Variants in EVX2 observed in about 807,000 individuals in gnomAD.
EVX2 encodes the protein even-skipped homeobox 2, also known as homeobox even-skipped homolog protein 2.
EVX2 carries 10 observed loss-of-function variants against 19.2 expected under a neutral mutation model. That is an observed-to-expected ratio of 0.52 (90% CI 0.32 to 0.89). The LOEUF (loss-of-function observed/expected upper bound fraction) is 0.89. EVX2 is among the 40% of genes least tolerant of loss of function. The pLI is 0.03. For missense variants in EVX2, 710 were observed against 694.9 expected (o/e 1.02, Z -0.24); for synonymous variants, 354 against 328.4 (o/e 1.08, Z -0.84).
At position 176,082,205 on chromosome 2, in the gene EVX2, T is replaced by A. The variant is rs573534388; in HGVS notation, c.672A>T (p.Ala224=). Reference sequence around the variant, plus strand: ...TGATGGTGGTTTCGGGCAGGTTGAGTGCCGCGGCCAGCTCGCACCGGCGGG... The same window carrying A: ...TGATGGTGGTTTCGGGCAGGTTGAGAGCCGCGGCCAGCTCGCACCGGCGGG... ...SRPRRCELAA[A]LNLPETTIKV... The change falls in exon 2 of 3, where the codon GCA becomes GCT. Residue 224 remains alanine, a synonymous_variant. Coordinates refer to ENST00000308618, the MANE Select transcript of EVX2 (RefSeq NM_001080458.2). The surrounding 1 kb of genome is among the most constrained non-coding windows in gnomAD (Gnocchi z 5.2). 6.3e-7 allele frequency: 1 copy of A among 1,598,888 alleles called. No individual in the cohort carries two copies. Among genetic ancestry groups the A allele is most frequent in the South Asian group, 1.1e-5 (1 of 89,960 alleles).
chr2:176,083,288 C>CG lies in EVX2; in HGVS notation c.427+61dup. 6.7e-7 allele frequency: 1 copy of CG among 1,490,742 alleles called. No homozygotes were observed. The highest frequency in any genetic ancestry group is 9.0e-7 in the Non-Finnish European group (1 of 1,107,114). The allele number at this position is 1,490,742 out of a possible 1,614,324, so 92.3% of individuals were successfully genotyped here. A position where few individuals can be genotyped will look rare whatever the true frequency, so the allele number is the denominator to read the frequency against. ...GGGAAAAGGCACCGGGAAAGGCTGG[C>CG]GGGGGCCGCGGAGGAGCAAAGAGGA... is the stretch of plus-strand genomic sequence containing the variant. On this transcript the variant is annotated intron_variant, in intron 1 of 2. Transcript: ENST00000308618. This position sits in a 1 kb window ranked among gnomAD's most constrained non-coding sequence, Gnocchi z 4.4.
At position 176,083,195 on chromosome 2, in the gene EVX2, G is replaced by A. The variant is rs914994154; in HGVS notation, c.427+155C>T. ...TCAAGGAGCAGAACTGGAAGGCACGGTCCCAGACATGCGTCCCGCCCCCGC... is the reference window on the plus strand; with the variant it reads ...TCAAGGAGCAGAACTGGAAGGCACGATCCCAGACATGCGTCCCGCCCCCGC... On this transcript the variant is annotated intron_variant, in intron 1 of 2. Coordinates refer to ENST00000308618, the MANE Select transcript of EVX2 (RefSeq NM_001080458.2). This position sits in a 1 kb window ranked among gnomAD's most constrained non-coding sequence, Gnocchi z 4.4. Among the ~76,000 whole-genome samples the A allele has an allele frequency of 1.3e-5, 2 of 152,358 alleles. No homozygotes were observed. Among genetic ancestry groups the A allele is most frequent in the African/African-American group, 4.8e-5 (2 of 41,602 alleles).
rs190025990 is a variant in EVX2, at chr2:176,078,472, G to A, written c.*1635C>T. The A allele has an allele frequency of 6.6e-6, 1 of 152,258 alleles. No homozygotes were observed. The highest frequency in any genetic ancestry group is 1.9e-4 in the East Asian group (1 of 5,184). 9.4% of individuals were successfully genotyped at this position (152,258 alleles called of 1,614,324 possible). A position where few individuals can be genotyped will look rare whatever the true frequency, so the allele number is the denominator to read the frequency against. ...GAGGAGCCAAGTGGCTCTGCGGGGA[G>A]CATTATGGAAATATCTGGGCTTGAT... On this transcript the variant is annotated 3_prime_UTR_variant, in exon 3 of 3. Coordinates refer to ENST00000308618, the MANE Select transcript of EVX2 (RefSeq NM_001080458.2).
chr2:176,080,857 C>G lies in EVX2; in HGVS notation c.700-19G>C, dbSNP rs1283877458. The G allele has an allele frequency of 6.2e-7, 1 of 1,601,154 alleles. No homozygotes were observed. Among genetic ancestry groups the G allele is most frequent in the South Asian group, 1.1e-5 (1 of 89,184 alleles). On this transcript the variant is annotated intron_variant, in intron 2 of 2. Coordinates refer to ENST00000308618, the MANE Select transcript of EVX2 (RefSeq NM_001080458.2). The surrounding 1 kb of genome is among the most constrained non-coding windows in gnomAD (Gnocchi z 7.0). ...ACCACACCTGCGGGGAGAGACGCGC[C>G]GCAGCCTGGGTTAGGGAGCGCCCCG...
rs1028398212 is a variant in EVX2 at position 176,078,249 on chromosome 2, T to A, written c.*1858A>T. On this transcript the variant is annotated 3_prime_UTR_variant, in exon 3 of 3. Transcript: ENST00000308618. ...GTATGTATACATGAATATGTGTGTA[T>A]CTCTTACATATGTATTTAAGAGCAC... The A allele has an allele frequency of 1.6e-5, 2 of 122,442 alleles. No individual in the cohort carries two copies. The highest frequency in any genetic ancestry group is 9.4e-5 in the African/African-American group (2 of 21,278). The allele number at this position is 122,442 out of a possible 1,614,324, so 7.6% of individuals were successfully genotyped here.
chr2:176,078,962 T>C lies in EVX2; in HGVS notation c.*1145A>G, dbSNP rs889989994. On this transcript the variant is annotated 3_prime_UTR_variant, in exon 3 of 3. Transcript: ENST00000308618. Reference sequence around the variant, plus strand: ...AGAGCGGGTCTCAGCAACCCAGCGGTGGCTTTGCAGAGGCGAAGGCGCAAT... The same window carrying C: ...AGAGCGGGTCTCAGCAACCCAGCGGCGGCTTTGCAGAGGCGAAGGCGCAAT... 6.6e-6 allele frequency: 1 copy of C among 152,212 alleles called. No individual in the cohort carries two copies. Among genetic ancestry groups the C allele is most frequent in the Non-Finnish European group, 1.5e-5 (1 of 68,054 alleles). The allele number at this position is 152,212 out of a possible 1,614,324, so 9.4% of individuals were successfully genotyped here. A position where few individuals can be genotyped will look rare whatever the true frequency, so the allele number is the denominator to read the frequency against.
chr2:176,080,589 G>A lies in EVX2; in HGVS notation c.949C>T (p.Arg317Trp). 3 of 1,533,342 alleles carry A rather than the reference G, an allele frequency of 2.0e-6. No individual in the cohort carries two copies. Among genetic ancestry groups the A allele is most frequent in the Non-Finnish European group, 2.6e-6 (3 of 1,154,836 alleles). 95.0% of individuals were successfully genotyped at this position (1,533,342 alleles called of 1,614,324 possible). A position where few individuals can be genotyped will look rare whatever the true frequency, so the allele number is the denominator to read the frequency against. ...AGGGCGCGGAAGGTGTCCAGTGGCC[G>A]GATGGAAGTAGCGAAGGGCGACGAA... ...AASSPFATSI[R>W]PLDTFRALSH... The change falls in exon 3 of 3, where the codon CGG (arginine) becomes TGG (tryptophan). Residue 317 changes from arginine to tryptophan, a missense_variant. Physicochemically the swap from Arg to Trp is moderately radical, Grantham distance 101. Transcript: ENST00000308618. This position sits in a 1 kb window ranked among gnomAD's most constrained non-coding sequence, Gnocchi z 7.0.
rs1559103658 is a variant in EVX2, at chr2:176,083,217, C to T, written c.427+133G>A. ...ACGGTCCCAGACATGCGTCCCGCCC[C>T]CGCCCGTGCTAGCTCGGTGTAGCTT... On this transcript the variant is annotated intron_variant, in intron 1 of 2. Coordinates refer to ENST00000308618, the MANE Select transcript of EVX2 (RefSeq NM_001080458.2). This position sits in a 1 kb window ranked among gnomAD's most constrained non-coding sequence, Gnocchi z 4.4. 9 of 948,564 alleles carry T rather than the reference C, an allele frequency of 9.5e-6. No individual in the cohort carries two copies. The East Asian group carries it at 1.1e-4, about 11-fold the overall frequency. 58.8% of individuals were successfully genotyped at this position (948,564 alleles called of 1,614,324 possible).
Position 176,083,486 on chromosome 2 carries a change from C to G in EVX2, c.291G>C (p.Glu97Asp), listed in dbSNP as rs575398101. 44 of 1,614,082 alleles carry G rather than the reference C, an allele frequency of 2.7e-5. No homozygotes were observed. The highest frequency in any genetic ancestry group is 3.3e-5 in the Non-Finnish European group (39 of 1,180,054). ...TVSSEISSAA[E>D]SRKKPGHYSE... ...AATAATGGCCCGGCTTCTTGCGGCT[C>G]TCGGCGGCGGAGGAGATTTCGGAGG... Residue 97 changes from glutamate (E) to aspartate (D), a missense_variant, in exon 1 of 3, where the codon GAG (glutamate) becomes GAC (aspartate). Physicochemically the swap from Glu to Asp is conservative, Grantham distance 45 (BLOSUM62 2). Coordinates refer to ENST00000308618, the MANE Select transcript of EVX2 (RefSeq NM_001080458.2). This position sits in a 1 kb window ranked among gnomAD's most constrained non-coding sequence, Gnocchi z 4.4.
At position 176,082,022 on chromosome 2, in the gene EVX2, G is replaced by A. The variant is rs965060876; in HGVS notation, c.699+156C>T. Among the ~76,000 whole-genome samples the A allele has an allele frequency of 1.3e-5, 2 of 152,240 alleles. No homozygotes were observed. Among genetic ancestry groups the A allele is most frequent in the African/African-American group, 4.8e-5 (2 of 41,454 alleles). On this transcript the variant is annotated intron_variant, in intron 2 of 2. Transcript: ENST00000308618. The surrounding 1 kb of genome is among the most constrained non-coding windows in gnomAD (Gnocchi z 5.2). ...GGACAACCGTTCGGATTCGGTGGCC[G>A]GGAAATAAATAAGCCAATTCCTTTG...
In EVX2 at chr2:176,083,926, G is replaced by C; in HGVS notation, c.-150C>G. Reference sequence around the variant, plus strand: ...GGCGGAAAAATTGTGGGATGCCAGAGCGAGGGAATGACTGGTCAAAATGAC... The same window carrying C: ...GGCGGAAAAATTGTGGGATGCCAGACCGAGGGAATGACTGGTCAAAATGAC... On this transcript the variant is annotated 5_prime_UTR_variant, in exon 1 of 3. Coordinates refer to ENST00000308618, the MANE Select transcript of EVX2 (RefSeq NM_001080458.2). This position sits in a 1 kb window ranked among gnomAD's most constrained non-coding sequence, Gnocchi z 4.4. 1.5e-6 allele frequency: 1 copy of C among 668,876 alleles called. No homozygotes were observed. The highest frequency in any genetic ancestry group is 2.5e-6 in the Non-Finnish European group (1 of 397,356). The allele number at this position is 668,876 out of a possible 1,614,324, so 41.4% of individuals were successfully genotyped here.
chr2:176,080,427 A>G lies in EVX2; in HGVS notation c.1111T>C (p.Ser371Pro). 7 of 1,093,066 alleles carry G rather than the reference A, an allele frequency of 6.4e-6. No homozygotes were observed. Among genetic ancestry groups the G allele is most frequent in the Non-Finnish European group, 7.8e-6 (7 of 902,502 alleles). The allele number at this position is 1,093,066 out of a possible 1,614,324, so 67.7% of individuals were successfully genotyped here. A position where few individuals can be genotyped will look rare whatever the true frequency, so the allele number is the denominator to read the frequency against. ...AAAAAAAAAA[S>P]SAAAAGAPPS... Reference sequence around the variant, plus strand: ...GGCGCGCCGGCCGCCGCCGCCGAGGAGGCCGCAGCCGCTGCGGCTGCCGCG... The same window carrying G: ...GGCGCGCCGGCCGCCGCCGCCGAGGGGGCCGCAGCCGCTGCGGCTGCCGCG... The change falls in exon 3 of 3, where the codon TCC becomes CCC. Residue 371 changes from serine to proline, a missense_variant. Ser to Pro is a moderately conservative substitution (Grantham distance 74). Coordinates refer to ENST00000308618, the MANE Select transcript of EVX2 (RefSeq NM_001080458.2). This position sits in a 1 kb window ranked among gnomAD's most constrained non-coding sequence, Gnocchi z 7.0.
rs1689102143 is a variant in EVX2, at chr2:176,079,792, G to A, written c.*315C>T. On this transcript the variant is annotated 3_prime_UTR_variant, in exon 3 of 3. Transcript: ENST00000308618. The surrounding 1 kb of genome is among the most constrained non-coding windows in gnomAD (Gnocchi z 4.4). ...GCCAGGACTAGCTTAGGGGGCGAGGGGTTGGTCTTTGGGAAACCAAGCGCT... is the reference window on the plus strand; with the variant it reads ...GCCAGGACTAGCTTAGGGGGCGAGGAGTTGGTCTTTGGGAAACCAAGCGCT... 2.2e-5 allele frequency: 5 copies of A among 226,804 alleles called. No individual in the cohort carries two copies. The South Asian group carries it at 8.0e-4, about 36-fold the overall frequency. 14.0% of individuals were successfully genotyped at this position (226,804 alleles called of 1,614,324 possible).
chr2:176,080,257 C>CCCG lies in EVX2; in HGVS notation c.1278_1280dup (p.Gly428dup), dbSNP rs765360165. The CCCG allele has an allele frequency of 6.8e-5, 90 of 1,316,764 alleles. No homozygotes were observed. The highest frequency in any genetic ancestry group is 4.3e-4 in the African/African-American group (28 of 64,802). 81.6% of individuals were successfully genotyped at this position (1,316,764 alleles called of 1,614,324 possible). A position where few individuals can be genotyped will look rare whatever the true frequency, so the allele number is the denominator to read the frequency against. ...CCGAGCCTCCCCCGGCCCCGGCGCC[C>CCCG]CCGCCGCCGCCGCCACCACCACCAC... On this transcript the variant is annotated inframe_insertion, in exon 3 of 3. Coordinates refer to ENST00000308618, the MANE Select transcript of EVX2 (RefSeq NM_001080458.2). This position sits in a 1 kb window ranked among gnomAD's most constrained non-coding sequence, Gnocchi z 7.0.
chr2:176,083,828 A>G lies in EVX2; in HGVS notation c.-52T>C. 6.8e-7 allele frequency: 1 copy of G among 1,467,502 alleles called. No individual in the cohort carries two copies. Among genetic ancestry groups the G allele is most frequent in the Non-Finnish European group, 9.4e-7 (1 of 1,067,472 alleles). 90.9% of individuals were successfully genotyped at this position (1,467,502 alleles called of 1,614,324 possible). ...GGCCCTGCTGTCCCGTCCTAATGATAGGCTGCGCCTAGGGCTAATTCTCAT... is the reference window on the plus strand; with the variant it reads ...GGCCCTGCTGTCCCGTCCTAATGATGGGCTGCGCCTAGGGCTAATTCTCAT... On this transcript the variant is annotated 5_prime_UTR_variant, in exon 1 of 3. Coordinates refer to ENST00000308618, the MANE Select transcript of EVX2 (RefSeq NM_001080458.2). The surrounding 1 kb of genome is among the most constrained non-coding windows in gnomAD (Gnocchi z 4.4).
In EVX2 at chr2:176,080,059, G is replaced by C. The variant is rs777334042; in HGVS notation, c.*48C>G. 22 of 1,499,440 alleles carry C rather than the reference G, an allele frequency of 1.5e-5. No individual in the cohort carries two copies. Among genetic ancestry groups the C allele is most frequent in the Non-Finnish European group, 1.9e-5 (21 of 1,123,460 alleles). 92.9% of individuals were successfully genotyped at this position (1,499,440 alleles called of 1,614,324 possible). On this transcript the variant is annotated 3_prime_UTR_variant, in exon 3 of 3. Transcript: ENST00000308618. The surrounding 1 kb of genome is among the most constrained non-coding windows in gnomAD (Gnocchi z 7.0). ...CTCAGGGGGCGCACAGGGGACTCCC[G>C]GGCACACTCAGAGAGGCGGGCGCGG...
chr2:176,079,966 C>T lies in EVX2; in HGVS notation c.*141G>A. On this transcript the variant is annotated 3_prime_UTR_variant, in exon 3 of 3. Transcript: ENST00000308618. This position sits in a 1 kb window ranked among gnomAD's most constrained non-coding sequence, Gnocchi z 4.4. ...CTTCTCCCCCAATTCGGAGCAGGTT[C>T]CCTTCGGCCTCCCGCGCCCCGGGGC... 1.1e-6 allele frequency: 1 copy of T among 883,842 alleles called. No homozygotes were observed. 54.7% of individuals were successfully genotyped at this position (883,842 alleles called of 1,614,324 possible). A position where few individuals can be genotyped will look rare whatever the true frequency, so the allele number is the denominator to read the frequency against.
chr2:176,080,734 C>T lies in EVX2; in HGVS notation c.804G>A (p.Ala268=), dbSNP rs747219076. The change falls in exon 3 of 3, where the codon GCG becomes GCA. Residue 268 remains alanine (A), a synonymous_variant. Coordinates refer to ENST00000308618, the MANE Select transcript of EVX2 (RefSeq NM_001080458.2). The surrounding 1 kb of genome is among the most constrained non-coding windows in gnomAD (Gnocchi z 7.0). ...GGTAGGGCAGGCTTCCGGTGGCGGC[C>T]GCGTGCGTCATCATGTAGGTGTAGA... ...PSFYTYMMTH[A]AATGSLPYPF... is the part of the protein sequence containing the mutation. The T allele has an allele frequency of 1.9e-6, 3 of 1,608,764 alleles. No individual in the cohort carries two copies. The East Asian group carries it at 6.7e-5, about 36-fold the overall frequency.
In EVX2 at chr2:176,082,653, TAGG is replaced by T. The variant is rs1689165774; in HGVS notation, c.428-207_428-205del. On this transcript the variant is annotated intron_variant, in intron 1 of 2. Coordinates refer to ENST00000308618, the MANE Select transcript of EVX2 (RefSeq NM_001080458.2). The surrounding 1 kb of genome is among the most constrained non-coding windows in gnomAD (Gnocchi z 5.2). ...CATAAGCAAATAATAGAAACGGAATTAGGAGATTTCTTTTTTAATAATTAGAAA... is the reference window on the plus strand; with the variant it reads ...CATAAGCAAATAATAGAAACGGAATTAGATTTCTTTTTTAATAATTAGAAA... Among the ~76,000 whole-genome samples the T allele has an allele frequency of 6.6e-6, 1 of 152,050 alleles. No homozygotes were observed. The highest frequency in any genetic ancestry group is 1.5e-5 in the Non-Finnish European group (1 of 67,996).
Sources: gnomAD v4.1 joint callset for allele counts (sites outside exome capture counted in the v4.1 genomes callset) on GRCh38, gnomAD v4.1.1 for gene constraint, Gnocchi (gnomAD v3.1) non-coding constraint, MANE v1.5 for transcripts, NCBI Gene and HGNC (gene_info 2026-07-23, HGNC 2026-07-21) for gene names.